WFDC9: variants seen among roughly 807,000 people sequenced by gnomAD.
The protein encoded by WFDC9 is protein WFDC9.
In WFDC9, 9 loss-of-function variants were observed where a neutral mutation model predicts 9.5. The ratio of observed to expected loss-of-function variants is 0.95; its 90% CI spans 0.57 to 1.65. The LOEUF is 1.65. Among genes scored for constraint, WFDC9 ranks in the 40% most tolerant of loss-of-function variants. WFDC9 has a pLI of 0.00. For missense variants in WFDC9, 87 were observed against 106.7 expected (o/e 0.82, Z 0.81); for synonymous variants, 33 against 32.3 (o/e 1.02, Z -0.07).
intron 1 of WFDC9, 26 bp downstream of exon 1, chr20:45,631,176 AC>A: frequency 1.3e-6 from 1 of 761,026 alleles, no homozygotes; most frequent in Non-Finnish European, 1.9e-6. Context: ...TGTCAAATAA[AC>A]CAGAACAAAT....
chr20:45,608,005 G>T lies in WFDC9; in HGVS notation c.*105C>A, dbSNP rs1981766244. ...AAAGAGGTCAAGGAAATAGCAGAAA[G>T]GTTACCAGCTAGAGCCAGTGGGTGT... On this transcript the variant is annotated 3_prime_UTR_variant, in exon 5 of 5. Coordinates refer to ENST00000326000, the MANE Select transcript of WFDC9 (RefSeq NM_147198.4). The T allele has an allele frequency of 1.6e-6, 2 of 1,280,970 alleles. No homozygotes were observed. Among genetic ancestry groups the T allele is most frequent in the Admixed American group, 3.8e-5 (2 of 52,236 alleles). The allele number at this position is 1,280,970 out of a possible 1,614,324, so 79.4% of individuals were successfully genotyped here.
intron 1 of WFDC9, chr20:45,630,872 ACACAGCTATCCC>A (rs768374638): frequency 6.3e-7 from 1 of 1,596,236 alleles, no homozygotes; most frequent in South Asian, 1.1e-5. Flanking sequence ...CTTGTCAGAA[ACACAGCTATCCC>A]CAGAAATCAA....
chr20:45,610,263 G>A (rs1412372860), intron 2 of WFDC9, 24 bp from the exon 3 acceptor site: 19 of 1,235,882 alleles, frequency 1.5e-5, no homozygotes, highest in African/African-American at 3.0e-5. Flanking sequence ...AAAATGGATT[G>A]AGGAGAACAG....
chr20:45,625,249 T>C (rs1325678672), intron 1 of WFDC9, among the ~76,000 whole-genome samples: 5 of 152,116 alleles, frequency 3.3e-5, no homozygotes, highest in Non-Finnish European at 7.3e-5. Flanking sequence ...CTCGCTATCA[T>C]AAGAACAGCA....
At position 45,618,054 on chromosome 20, in the gene WFDC9, GA is replaced by G. The variant is rs539587473; in HGVS notation, c.-152-3334del. On this transcript the variant is annotated intron_variant, in intron 1 of 4. Transcript: ENST00000326000. The stretch of plus-strand genomic sequence containing the variant: ...TAAAGGGCCAACAGTATCTTAGCTA[GA>G]TCTTCTGGATAACTTGCTGTGTAGC... 1.7e-3 allele frequency among the ~76,000 whole-genome samples: 256 copies of G among 152,324 alleles called. 3 individuals are homozygous for G. The South Asian group carries it at 0.02, about 12-fold the overall frequency.
chr20:45,626,355 TTGCATTGACTC>T (rs1324854568), intron 1 of WFDC9, among the ~76,000 whole-genome samples: 1 of 92,062 alleles, frequency 1.1e-5, no homozygotes, highest in African/African-American at 4.4e-5. Flanking sequence ...TTAATAGGGA[TTGCATTGACTC>T]TGTAGATGGT....
Position 45,630,753 on chromosome 20 carries a change from G to A in WFDC9, c.-153+450C>T, listed in dbSNP as rs1454754967. The stretch of plus-strand genomic sequence containing the variant: ...GGCAGGAAGGTAGTTCTATGAAGAA[G>A]GAATCCAGGAGTATCATGACTGAGA... On this transcript the variant is annotated intron_variant, in intron 1 of 4. Coordinates refer to ENST00000326000, the MANE Select transcript of WFDC9 (RefSeq NM_147198.4). 6.1e-6 allele frequency: 7 copies of A among 1,153,850 alleles called. No homozygotes were observed. The African/African-American group carries it at 8.0e-5, about 13-fold the overall frequency. The allele number at this position is 1,153,850 out of a possible 1,614,324, so 71.5% of individuals were successfully genotyped here. A position where few individuals can be genotyped will look rare whatever the true frequency, so the allele number is the denominator to read the frequency against.
At chr20:45,631,136 G>A (rs770466920) in intron 1 of WFDC9, 67 bp downstream of exon 1, 44 of 1,214,184 alleles carry the variant, frequency 3.6e-5, no homozygotes, top group Middle Eastern at 2.5e-4. Flanking sequence ...CAGGAATGCC[G>A]CCCTCTCTAC....
chr20:45,630,036 C>A, intron 1 of WFDC9: 1 of 1,291,230 alleles, frequency 7.7e-7, no homozygotes, highest in Non-Finnish European at 1.1e-6. Context: ...GTTGTGTAGA[C>A]TCTGGACTGT....
intron 1 of WFDC9, among the ~76,000 whole-genome samples, chr20:45,619,217 CTT>C (rs1350441648): frequency 6.6e-6 from 1 of 152,152 alleles, no homozygotes; most frequent in Non-Finnish European, 1.5e-5. Flanking sequence ...CGATCATAGT[CTT>C]TTGCTCTGTG....
At chr20:45,617,085 T>A (rs1352103425) in intron 1 of WFDC9, among the ~76,000 whole-genome samples, 3 of 152,198 alleles carry the variant, frequency 2.0e-5, no homozygotes, top group Non-Finnish European at 4.4e-5. Flanking sequence ...CTGATGTCTA[T>A]TGTAGCCACC....
chr20:45,609,992 A>T, intron 3 of WFDC9, 99 bp downstream of exon 3: 1 of 894,664 alleles, frequency 1.1e-6, no homozygotes, highest in Non-Finnish European at 1.7e-6. Context: ...TTAAGGAGAG[A>T]TCCTTTAAAG....
At chr20:45,627,286 T>A (rs900432928) in intron 1 of WFDC9, among the ~76,000 whole-genome samples, 5 of 152,310 alleles carry the variant, frequency 3.3e-5, no homozygotes, top group Admixed American at 6.5e-5. Context: ...TTCTTTATGC[T>A]GTCTTGTTAT....
At chr20:45,623,658 A>G (rs905868346) in intron 1 of WFDC9, among the ~76,000 whole-genome samples, 10 of 152,062 alleles carry the variant, frequency 6.6e-5, no homozygotes, top group Admixed American at 5.9e-4. Context: ...ATTGACAAGT[A>G]GTAATTTTAC....
At chr20:45,624,064 T>C (rs953958121) in intron 1 of WFDC9, among the ~76,000 whole-genome samples, 1 of 151,920 alleles carries the variant, frequency 6.6e-6, no homozygotes, top group Non-Finnish European at 1.5e-5. Context: ...TGGTGGCACG[T>C]GCCTGTAGTC....
At chr20:45,612,877 G>T (rs1000457141) in intron 2 of WFDC9, among the ~76,000 whole-genome samples, 2 of 152,098 alleles carry the variant, frequency 1.3e-5, no homozygotes, top group Non-Finnish European at 2.9e-5. Flanking sequence ...ATTCTCTATT[G>T]CTCTACTTTT....
intron 3 of WFDC9, among the ~76,000 whole-genome samples, chr20:45,609,393 G>A (rs1201428579): frequency 4.6e-5 from 7 of 151,872 alleles, no homozygotes; most frequent in East Asian, 1.9e-4. Flanking sequence ...TAATAGAGAC[G>A]GGGTTTCACC....
At chr20:45,626,884 A>G (rs899558352) in intron 1 of WFDC9, among the ~76,000 whole-genome samples, 1 of 152,142 alleles carries the variant, frequency 6.6e-6, no homozygotes, top group African/African-American at 2.4e-5. Context: ...CCTTTCCTCT[A>G]TATCTTGTTT....
In WFDC9 at chr20:45,608,086, A is replaced by G. The variant is rs199810527; in HGVS notation, c.*24T>C. ...AGACCAGATGGTCATCCTTCAGCCC[A>G]CAGTAGTGATCGGCCAATAGAATCT... On this transcript the variant is annotated 3_prime_UTR_variant, in exon 5 of 5. Transcript: ENST00000326000. 9.2e-5 allele frequency: 149 copies of G among 1,613,540 alleles called. 1 individual carries two copies. In the South Asian group the frequency reaches 1.6e-3, roughly 17 times the overall value.
Sources: allele counts gnomAD v4.1 joint callset (sites outside exome capture counted in the v4.1 genomes callset), GRCh38; gene constraint gnomAD v4.1.1; transcripts MANE v1.5; gene names NCBI Gene and HGNC (gene_info 2026-07-23, HGNC 2026-07-21).